FGF12: variants seen among roughly 807,000 people sequenced by gnomAD.
FGF12 encodes the protein fibroblast growth factor 12B.
In FGF12, 14 loss-of-function variants were observed where a neutral mutation model predicts 23.6. The ratio of observed to expected loss-of-function variants is 0.59; its 90% confidence interval spans 0.39 to 0.93. The LOEUF (loss-of-function observed/expected upper bound fraction) is 0.93, where lower values mean the gene tolerates loss of function less well. Ranked by LOEUF, FGF12 falls within the 40% of genes least tolerant of loss-of-function variation. The pLI is 0.00. For missense variants in FGF12, 175 were observed against 217.8 expected (o/e 0.80, Z 1.24); for synonymous variants, 62 against 77.3 (o/e 0.80, Z 1.04).
chr3:192,355,060 C>A (rs1443308899), intron 3 of FGF12, among the ~76,000 whole-genome samples: 2 of 152,130 alleles, frequency 1.3e-5, no homozygotes, highest in Non-Finnish European at 2.9e-5. Flanking sequence ...TAAGGAAACA[C>A]AATTTTAGAG....
rs186447091 is a variant in FGF12, at chr3:192,386,188, T to C, written c.14-25650A>G. ...TCTCTCTCCAGAGCTAATTCCACAG[T>C]TCCACGCTGACTTCAATACATACTG... On this transcript the variant is annotated intron_variant, in intron 2 of 5. Coordinates refer to ENST00000445105, the MANE Select transcript of FGF12 (RefSeq NM_004113.6). Among the ~76,000 whole-genome samples the C allele has an allele frequency of 1.7e-3, 260 of 152,324 alleles. 3 individuals carry two copies. Among genetic ancestry groups the C allele is most frequent in the African/African-American group, 6.0e-3 (249 of 41,568 alleles).
chr3:192,610,445 C>G (rs1714510053), intron 2 of FGF12, among the ~76,000 whole-genome samples: 1 of 152,030 alleles, frequency 6.6e-6, no homozygotes. Flanking sequence ...GTCCACAGAT[C>G]AAAGGGAAGA....
At chr3:192,575,509 G>C (rs957511217) in intron 2 of FGF12, among the ~76,000 whole-genome samples, 3 of 152,138 alleles carry the variant, frequency 2.0e-5, no homozygotes, top group Non-Finnish European at 4.4e-5. Context: ...AAGAGGAGGA[G>C]GAGGAGAAGA....
intron 4 of FGF12, among the ~76,000 whole-genome samples, chr3:192,200,227 G>A (rs1717295384): frequency 6.6e-6 from 1 of 151,946 alleles, no homozygotes. Flanking sequence ...TACTCCGGAG[G>A]CTGAGTCAGG....
intron 2 of FGF12, among the ~76,000 whole-genome samples, chr3:192,384,906 T>C (rs1719979561): frequency 6.6e-6 from 1 of 152,190 alleles, no homozygotes; most frequent in South Asian, 2.1e-4. Context: ...TCAGGAGAAC[T>C]TGCCTCAATT....
chr3:192,289,807 G>A (rs938375296), intron 4 of FGF12, among the ~76,000 whole-genome samples: 1 of 152,036 alleles, frequency 6.6e-6, no homozygotes, highest in Non-Finnish European at 1.5e-5. Context: ...CTTTATCAGG[G>A]GAATAAGTAG....
intron 4 of FGF12, among the ~76,000 whole-genome samples, chr3:192,231,863 A>T (rs540326250): frequency 6.6e-6 from 1 of 152,316 alleles, no homozygotes; most frequent in East Asian, 1.9e-4. Context: ...CATCGACTAG[A>T]TTAATCAGCT....
Position 192,590,872 on chromosome 3 carries a change from A to C in FGF12, c.13+136309T>G, listed in dbSNP as rs184462805. Reference sequence around the variant, plus strand: ...CAAAAAAACAGCTCCAGCCACAGTGATGACCTGATAGCTTGCTGTTCTTGA... The same window carrying C: ...CAAAAAAACAGCTCCAGCCACAGTGCTGACCTGATAGCTTGCTGTTCTTGA... On this transcript the variant is annotated intron_variant, in intron 2 of 5. Coordinates refer to ENST00000445105, the MANE Select transcript of FGF12 (RefSeq NM_004113.6). 3.9e-4 allele frequency among the ~76,000 whole-genome samples: 60 copies of C among 151,992 alleles called. 2 individuals are homozygous for C. The highest frequency in any genetic ancestry group is 2.5e-3 in the Admixed American group (38 of 15,274).
chr3:192,196,304 G>C (rs767951206), intron 4 of FGF12, among the ~76,000 whole-genome samples: 13 of 152,146 alleles, frequency 8.5e-5, no homozygotes, highest in Non-Finnish European at 1.6e-4. Flanking sequence ...ACAAAAGACT[G>C]TTCCAAATAT....
intron 2 of FGF12, among the ~76,000 whole-genome samples, chr3:192,689,287 C>T (rs1244817109): frequency 6.6e-6 from 1 of 152,044 alleles, no homozygotes; most frequent in African/African-American, 2.4e-5. Context: ...GATGTATACC[C>T]TAAATATCCT....
chr3:192,413,135 G>A (rs1309627293), intron 2 of FGF12, among the ~76,000 whole-genome samples: 1 of 152,082 alleles, frequency 6.6e-6, no homozygotes, highest in Non-Finnish European at 1.5e-5. Context: ...CATTTTAAAA[G>A]GAAAAACAGA....
chr3:192,277,824 G>A, intron 4 of FGF12, among the ~76,000 whole-genome samples: 1 of 152,166 alleles, frequency 6.6e-6, no homozygotes, highest in East Asian at 1.9e-4. Flanking sequence ...GTGCAGTGGT[G>A]CGATCTCAGC....
chr3:192,407,420 A>G (rs1169656432), intron 2 of FGF12, among the ~76,000 whole-genome samples: 1 of 152,208 alleles, frequency 6.6e-6, no homozygotes, highest in East Asian at 1.9e-4. Context: ...AGACTGTGTA[A>G]AGGAAGTGAA....
chr3:192,150,525 C>T (rs532416943), intron 5 of FGF12, among the ~76,000 whole-genome samples: 4 of 142,936 alleles, frequency 2.8e-5, no homozygotes, highest in African/African-American at 5.2e-5. Flanking sequence ...GTTTCAGCTT[C>T]CTACATATGG....
chr3:192,390,346 A>G (rs1720238574), intron 2 of FGF12, among the ~76,000 whole-genome samples: 1 of 152,242 alleles, frequency 6.6e-6, no homozygotes, highest in South Asian at 2.1e-4. Context: ...GAGAGATTGA[A>G]AGAGATAAGA....
intron 2 of FGF12, among the ~76,000 whole-genome samples, chr3:192,675,471 A>T (rs1423949231): frequency 6.6e-6 from 1 of 152,210 alleles, no homozygotes; most frequent in Non-Finnish European, 1.5e-5. Flanking sequence ...TGAGAGTACA[A>T]GGGGATATCA....
chr3:192,376,575 T>C (rs1322312461), intron 2 of FGF12, among the ~76,000 whole-genome samples: 2 of 152,078 alleles, frequency 1.3e-5, no homozygotes, highest in East Asian at 1.9e-4. Flanking sequence ...TTGGTCAGGC[T>C]GGTCTCAAAC....
rs963640611 is a variant in FGF12 at position 192,501,919 on chromosome 3, T to C, written c.14-141381A>G. Among the ~76,000 whole-genome samples the C allele has an allele frequency of 9.8e-5, 15 of 152,332 alleles. 1 individual carries two copies. Among genetic ancestry groups the C allele is most frequent in the Admixed American group, 5.9e-4 (9 of 15,298 alleles). ...ATGACATGGGTCTTAGTAATGCTAGTTGAAGAAAACATATAAATGAAGCAA... is the reference window on the plus strand; with the variant it reads ...ATGACATGGGTCTTAGTAATGCTAGCTGAAGAAAACATATAAATGAAGCAA... On this transcript the variant is annotated intron_variant, in intron 2 of 5. Coordinates refer to ENST00000445105, the MANE Select transcript of FGF12 (RefSeq NM_004113.6).
chr3:192,553,552 A>T (rs73887623), intron 2 of FGF12, among the ~76,000 whole-genome samples: 1,911 of 152,310 alleles, frequency 0.013, 46 homozygotes, highest in African/African-American at 0.044. Context: ...CTCATAGGAC[A>T]CCATTTAACA....
Sources: allele counts gnomAD v4.1 joint callset (sites outside exome capture counted in the v4.1 genomes callset), GRCh38; gene constraint gnomAD v4.1.1; transcripts MANE v1.5; gene names NCBI Gene and HGNC (gene_info 2026-07-23, HGNC 2026-07-21).